The following INSC variants were observed in gnomAD, a reference collection of about 807,000 sequenced individuals.
INSC encodes INSC spindle orientation adaptor protein.
Under a neutral mutation model 58.6 loss-of-function variants are expected in INSC, and 67 were observed. The observed-to-expected ratio is 1.14, with a 90% CI of 0.94 to 1.40. INSC has a LOEUF of 1.40. Ranked by LOEUF, INSC falls within the 40% of genes most tolerant of loss-of-function variation. The pLI, the probability that INSC is intolerant of heterozygous loss-of-function variation, is 0.00. For missense variants in INSC, 714 were observed against 692.0 expected (o/e 1.03, Z -0.36); for synonymous variants, 262 against 276.1 (o/e 0.95, Z 0.51).
At chr11:15,208,282 C>T (rs1850885496) in intron 7 of INSC, among the ~76,000 whole-genome samples, 1 of 152,214 alleles carries the variant, frequency 6.6e-6, no homozygotes, top group Non-Finnish European at 1.5e-5. Flanking sequence ...CACCCCCAAA[C>T]ACTAGCCTTC....
At chr11:15,113,477 C>T (rs973787602), upstream of INSC, among the ~76,000 whole-genome samples, 5 of 152,142 alleles carry the variant, frequency 3.3e-5, no homozygotes, top group African/African-American at 1.2e-4. Context: ...TCTTATCATA[C>T]CACCTGCCCT....
Position 15,176,042 on chromosome 11 carries a change from G to A in INSC, c.358G>A (p.Glu120Lys), listed in dbSNP as rs748096504. The A allele has an allele frequency of 6.4e-6, 10 of 1,567,044 alleles. No homozygotes were observed. The South Asian group carries it at 6.9e-5, about 11-fold the overall frequency. Reference sequence around the variant, plus strand: ...CTGCCATGCCCGCTCCATGGTCAGCGAGTACAGTGCTGTCAGCAGGAACTC... The same window carrying A: ...CTGCCATGCCCGCTCCATGGTCAGCAAGTACAGTGCTGTCAGCAGGAACTC... ...LTCHARSMVS[E>K]YSAVSRNSLK... The change falls in exon 3 of 13, where the codon GAG becomes AAG. Residue 120 changes from glutamate (E) to lysine (K), a missense_variant. Glu to Lys is a moderately conservative substitution (Grantham distance 56). Coordinates refer to ENST00000379556, the MANE Select transcript of INSC (RefSeq NM_001042536.3).
intron 7 of INSC, among the ~76,000 whole-genome samples, chr11:15,216,612 G>A (rs1218336613): frequency 6.6e-6 from 1 of 152,124 alleles, no homozygotes; most frequent in African/African-American, 2.4e-5. Context: ...ATTATTCATT[G>A]CATTGTTCCT....
chr11:15,188,248 A>T (rs1850044376), intron 5 of INSC: 1 of 985,358 alleles, frequency 1.0e-6, no homozygotes, highest in African/African-American at 1.7e-5. Context: ...GGAAGCCAGG[A>T]TGGAGACCCA....
At chr11:15,238,032 G>A (rs1181728450) in intron 10 of INSC, among the ~76,000 whole-genome samples, 1 of 152,170 alleles carries the variant, frequency 6.6e-6, no homozygotes, top group Non-Finnish European at 1.5e-5. Flanking sequence ...AGAGGGGAGT[G>A]TGGGATGGGC....
At chr11:15,158,096 G>C (rs1342176279) in intron 2 of INSC, among the ~76,000 whole-genome samples, 2 of 151,796 alleles carry the variant, frequency 1.3e-5, no homozygotes, top group African/African-American at 4.8e-5. Context: ...CTTAGTTCAG[G>C]CTTCTGTCTT....
At chr11:15,236,618 G>A (rs1011616346) in intron 10 of INSC, among the ~76,000 whole-genome samples, 1 of 152,230 alleles carries the variant, frequency 6.6e-6, no homozygotes, top group Non-Finnish European at 1.5e-5. Flanking sequence ...GATCTAAGCT[G>A]TTTCTGCCAA....
intron 6 of INSC, among the ~76,000 whole-genome samples, chr11:15,194,842 C>A (rs1850312905): frequency 6.6e-6 from 1 of 152,186 alleles, no homozygotes; most frequent in Admixed American, 6.5e-5. Flanking sequence ...CTGGTTCAAT[C>A]TTTGGCCCTT....
rs756237896 is a variant in INSC at position 15,180,694 on chromosome 11, CG to C, written c.579+2256del. Among the ~76,000 whole-genome samples, 301 of 41,834 alleles carry C rather than the reference CG, an allele frequency of 7.2e-3. 2 individuals are homozygous for C. The highest frequency in any genetic ancestry group is 0.014 in the Middle Eastern group (1 of 70). 27.4% of individuals were successfully genotyped at this position (41,834 alleles called of 152,430 possible). On this transcript the variant is annotated intron_variant, in intron 5 of 12. Coordinates refer to ENST00000379556, the MANE Select transcript of INSC (RefSeq NM_001042536.3). ...CTCATGGTAGGAGTGAGGGGGGGGG[CG>C]GGGGGGGGTGGTGGCCACAGAGTGT...
Position 15,226,940 on chromosome 11 carries a change from A to C in INSC, c.1170+1112A>C, listed in dbSNP as rs562902270. Among the ~76,000 whole-genome samples the C allele has an allele frequency of 4.3e-4, 66 of 152,294 alleles. No homozygotes were observed. The South Asian group carries it at 0.013, about 30-fold the overall frequency. ...TTGGTGAAGTTCCCCAAACTTTGTC[A>C]GTTATTTCTTATCCTCAGAATCGCC... On this transcript the variant is annotated intron_variant, in intron 9 of 12. Transcript: ENST00000379556.
intron 2 of INSC, among the ~76,000 whole-genome samples, chr11:15,152,789 A>G (rs1848695004): frequency 6.6e-6 from 1 of 152,228 alleles, no homozygotes; most frequent in Non-Finnish European, 1.5e-5. Context: ...TGATACTCCC[A>G]GCAGCTGGGA....
chr11:15,268,012 A>G, the INSC span, among the ~76,000 whole-genome samples: 2 of 151,926 alleles, frequency 1.3e-5, no homozygotes, highest in Non-Finnish European at 2.9e-5. Context: ...TCCTAATACC[A>G]TCTTCTCAAT....
At chr11:15,177,058 G>A (rs1007699150) in intron 3 of INSC, 53 bp from the exon 4 acceptor site, 1 of 1,364,926 alleles carries the variant, frequency 7.3e-7, no homozygotes, top group Non-Finnish European at 1.0e-6. Flanking sequence ...CACAGCAGTT[G>A]GTCCTCAGTT....
At chr11:15,141,247 A>G (rs968190839) in intron 1 of INSC, among the ~76,000 whole-genome samples, 4 of 152,172 alleles carry the variant, frequency 2.6e-5, no homozygotes, top group African/African-American at 9.7e-5. Flanking sequence ...ATTTGTGTAG[A>G]TGAGATTCCT....
the INSC span, among the ~76,000 whole-genome samples, chr11:15,255,970 C>A: frequency 6.6e-6 from 1 of 152,196 alleles, no homozygotes; most frequent in South Asian, 2.1e-4. Flanking sequence ...CGGTCTCTTT[C>A]TTTTCCACCC....
At chr11:15,220,695 C>T (rs1316361765) in intron 7 of INSC, among the ~76,000 whole-genome samples, 1 of 152,176 alleles carries the variant, frequency 6.6e-6, no homozygotes, top group African/African-American at 2.4e-5. Flanking sequence ...TGTGTAATAA[C>T]ATGTGCACTC....
chr11:15,170,334 G>T lies in INSC; in HGVS notation c.57-5407G>T, dbSNP rs946024480. 2.6e-5 allele frequency among the ~76,000 whole-genome samples: 4 copies of T among 151,706 alleles called. No homozygotes were observed. The East Asian group carries it at 5.8e-4, about 22-fold the overall frequency. On this transcript the variant is annotated intron_variant, in intron 2 of 12. Coordinates refer to ENST00000379556, the MANE Select transcript of INSC (RefSeq NM_001042536.3). ...CACCCAGGATATCATATTACACTTA[G>T]TCCTCATGTCTCCTTAGTCACCTCT...
intron 8 of INSC, among the ~76,000 whole-genome samples, chr11:15,224,609 G>C (rs2133939535): frequency 6.6e-6 from 1 of 152,318 alleles, no homozygotes; most frequent in African/African-American, 2.4e-5. Context: ...GACCGGAGAA[G>C]TACCTTGATT....
chr11:15,128,513 T>C (rs1256978365), intron 1 of INSC, among the ~76,000 whole-genome samples: 1 of 152,246 alleles, frequency 6.6e-6, no homozygotes, highest in African/African-American at 2.4e-5. Flanking sequence ...TGACTAAGCT[T>C]ATGCAGTTAG....
Sources: allele counts gnomAD v4.1 joint callset (sites outside exome capture counted in the v4.1 genomes callset), GRCh38; gene constraint gnomAD v4.1.1; transcripts MANE v1.5; gene names NCBI Gene and HGNC (gene_info 2026-07-23, HGNC 2026-07-21).